EEA1: variants seen among roughly 807,000 people sequenced by gnomAD.
EEA1 encodes the protein early endosome antigen 1, 162kD.
EEA1 carries 111 observed loss-of-function variants against 209.2 expected under a neutral mutation model. The ratio of observed to expected loss-of-function variants is 0.53; its 90% CI spans 0.45 to 0.62. EEA1 has a LOEUF of 0.62. Among genes scored for constraint, EEA1 ranks in the 20% least tolerant of loss-of-function variants. The pLI, the probability that EEA1 is intolerant of heterozygous loss-of-function variation, is 0.00. For missense variants in EEA1, 1,343 were observed against 1,530.8 expected (o/e 0.88, Z 2.05); for synonymous variants, 536 against 540.6 (o/e 0.99, Z 0.12).
intron 17 of EEA1, among the ~76,000 whole-genome samples, chr12:92,810,241 AAATT>A (rs1341087017): frequency 1.3e-5 from 2 of 152,082 alleles, no homozygotes; most frequent in African/African-American, 2.4e-5. Flanking sequence ...TGATGTAGCT[AAATT>A]AATTATACAT....
chr12:92,806,651 CA>C (rs1412310889), intron 18 of EEA1, among the ~76,000 whole-genome samples: 2 of 152,278 alleles, frequency 1.3e-5, no homozygotes, highest in East Asian at 3.9e-4. Flanking sequence ...ACTCTGATAT[CA>C]AAACCTGACA....
Position 92,816,329 on chromosome 12 carries a change from G to A in EEA1, c.1800C>T (p.Asp600=). 6.2e-7 allele frequency: 1 copy of A among 1,613,952 alleles called. No homozygotes were observed. Among genetic ancestry groups the A allele is most frequent in the Non-Finnish European group, 8.5e-7 (1 of 1,179,866 alleles). ...GATGTGCCTTCTGCTCTTGTACCTG[G>A]TCATGCAAATTCTCCTGGGCTTGTT... ...SHKQAQENLH[D]QVQEQKAHLR... Residue 600 remains aspartate (D), a synonymous_variant, in exon 15 of 29, where the codon GAC becomes GAT. Coordinates refer to ENST00000322349, the MANE Select transcript of EEA1 (RefSeq NM_003566.4).
chr12:92,868,063 G>A (rs533107453), intron 2 of EEA1, among the ~76,000 whole-genome samples: 1 of 152,302 alleles, frequency 6.6e-6, no homozygotes, highest in Non-Finnish European at 1.5e-5. Context: ...ATGAAGGGCA[G>A]GGGCACAACA....
chr12:92,785,336 G>T (rs939256133), intron 22 of EEA1, among the ~76,000 whole-genome samples: 7 of 151,996 alleles, frequency 4.6e-5, no homozygotes, highest in South Asian at 2.1e-4. Context: ...TGGTGTCTAG[G>T]TATATACACT....
chr12:92,871,006 G>A (rs376086615), intron 2 of EEA1, among the ~76,000 whole-genome samples: 2 of 152,238 alleles, frequency 1.3e-5, no homozygotes, highest in South Asian at 4.1e-4. Flanking sequence ...ACAGTGCCCA[G>A]CCTCAAAGTC....
intron 15 of EEA1, among the ~76,000 whole-genome samples, chr12:92,814,989 A>C (rs1164256811): frequency 2.0e-5 from 3 of 152,206 alleles, no homozygotes; most frequent in Non-Finnish European, 4.4e-5. Flanking sequence ...TTCTTTTATT[A>C]ATAATATCAC....
At chr12:92,909,454 A>G (rs1880499993) in intron 1 of EEA1, among the ~76,000 whole-genome samples, 1 of 152,230 alleles carries the variant, frequency 6.6e-6, no homozygotes, top group Non-Finnish European at 1.5e-5. Flanking sequence ...CATGCTAAAC[A>G]TATGTAAATC....
intron 3 of EEA1, among the ~76,000 whole-genome samples, chr12:92,860,426 C>T (rs1208612308): frequency 3.3e-5 from 5 of 152,058 alleles, no homozygotes; most frequent in South Asian, 2.1e-4. Context: ...GTGTTTTTGG[C>T]GGGGAGGAGG....
intron 14 of EEA1, among the ~76,000 whole-genome samples, chr12:92,818,465 A>G (rs1245508572): frequency 6.6e-6 from 1 of 152,210 alleles, no homozygotes; most frequent in Non-Finnish European, 1.5e-5. Context: ...CTATCCCAAT[A>G]TGGCCAGAAA....
At chr12:92,895,849 T>C (rs1385517976) in intron 1 of EEA1, among the ~76,000 whole-genome samples, 1 of 151,858 alleles carries the variant, frequency 6.6e-6, no homozygotes, top group African/African-American at 2.4e-5. Flanking sequence ...CTAACAAGAG[T>C]TTAGAAGTTG....
At chr12:92,843,958 A>G (rs1206869367) in intron 9 of EEA1, among the ~76,000 whole-genome samples, 1 of 152,072 alleles carries the variant, frequency 6.6e-6, no homozygotes, top group Non-Finnish European at 1.5e-5. Flanking sequence ...AGTGTGTGGA[A>G]CTTATTTTTT....
In EEA1 at chr12:92,775,918, G is replaced by A; in HGVS notation, c.*93C>T. On this transcript the variant is annotated 3_prime_UTR_variant, in exon 29 of 29. Coordinates refer to ENST00000322349, the MANE Select transcript of EEA1 (RefSeq NM_003566.4). Reference sequence around the variant, plus strand: ...TATTTGGTCTAGTATTGCAACCAGTGTCCAAACCAAATAGTAGTCCAAGAC... The same window carrying A: ...TATTTGGTCTAGTATTGCAACCAGTATCCAAACCAAATAGTAGTCCAAGAC... The A allele has an allele frequency of 7.3e-7, 1 of 1,378,616 alleles. No individual in the cohort carries two copies. Among genetic ancestry groups the A allele is most frequent in the Non-Finnish European group, 9.7e-7 (1 of 1,028,210 alleles). 85.4% of individuals were successfully genotyped at this position (1,378,616 alleles called of 1,614,324 possible).
intron 20 of EEA1, among the ~76,000 whole-genome samples, chr12:92,799,827 C>A (rs890643563): frequency 2.0e-5 from 3 of 151,936 alleles, no homozygotes; most frequent in African/African-American, 7.3e-5. Context: ...TCATATGCCA[C>A]TAAGCCTATT....
In EEA1 at chr12:92,811,521, AT is replaced by A; in HGVS notation, c.2044-88del. On this transcript the variant is annotated intron_variant, in intron 16 of 28. Coordinates refer to ENST00000322349, the MANE Select transcript of EEA1 (RefSeq NM_003566.4). ...GTTCAACGTAAAATTGAAAACTCTAATTTTATTTAAAAAAATATTTGGAGTA... is the reference window on the plus strand; with the variant it reads ...GTTCAACGTAAAATTGAAAACTCTAATTTATTTAAAAAAATATTTGGAGTA... The A allele has an allele frequency of 5.7e-6, 5 of 882,878 alleles. 1 individual carries two copies. The highest frequency in any genetic ancestry group is 4.6e-6 in the Non-Finnish European group (3 of 652,320). The allele number at this position is 882,878 out of a possible 1,614,324, so 54.7% of individuals were successfully genotyped here.
At chr12:92,859,230 T>C (rs1426447654) in intron 3 of EEA1, 17 of 1,612,682 alleles carry the variant, frequency 1.1e-5, no homozygotes, top group Non-Finnish European at 6.8e-6. Flanking sequence ...GCCACTTTGG[T>C]AGGGACAGCT....
At chr12:92,796,922 A>G (rs964423053) in intron 21 of EEA1, among the ~76,000 whole-genome samples, 1 of 152,228 alleles carries the variant, frequency 6.6e-6, no homozygotes, top group Non-Finnish European at 1.5e-5. Flanking sequence ...TCATTTCTCT[A>G]TGACCAGTAA....
chr12:92,828,877 A>G (rs1426798799), intron 11 of EEA1, among the ~76,000 whole-genome samples: 1 of 152,010 alleles, frequency 6.6e-6, no homozygotes, highest in African/African-American at 2.4e-5. Flanking sequence ...AATTCCAAGT[A>G]CCACCTCCTC....
rs1873439336 is a variant in EEA1 at position 92,771,743 on chromosome 12, T to A, written c.*4268A>T. The A allele has an allele frequency of 6.6e-6, 1 of 152,000 alleles. No individual in the cohort carries two copies. Among genetic ancestry groups the A allele is most frequent in the Admixed American group, 6.6e-5 (1 of 15,242 alleles). The allele number at this position is 152,000 out of a possible 1,614,324, so 9.4% of individuals were successfully genotyped here. A position where few individuals can be genotyped will look rare whatever the true frequency, so the allele number is the denominator to read the frequency against. On this transcript the variant is annotated 3_prime_UTR_variant, in exon 29 of 29. Coordinates refer to ENST00000322349, the MANE Select transcript of EEA1 (RefSeq NM_003566.4). ...GCAAATGTTTAGATATAAACTAACCTCGGAGGTGAGCAGTGGACTAGGATG... is the reference window on the plus strand; with the variant it reads ...GCAAATGTTTAGATATAAACTAACCACGGAGGTGAGCAGTGGACTAGGATG...
chr12:92,828,954 G>A (rs926989916), intron 11 of EEA1, among the ~76,000 whole-genome samples: 10 of 152,108 alleles, frequency 6.6e-5, no homozygotes, highest in Admixed American at 6.6e-4. Context: ...AGTACTAAGA[G>A]GGGGAACAAA....
Sources: allele counts gnomAD v4.1 joint callset (sites outside exome capture counted in the v4.1 genomes callset), GRCh38; gene constraint gnomAD v4.1.1; transcripts MANE v1.5; gene names NCBI Gene and HGNC (gene_info 2026-07-23, HGNC 2026-07-21).